The following SAP30 variants were observed in gnomAD, a reference collection of about 807,000 sequenced individuals.
The protein encoded by SAP30 is Sin3A associated protein 30.
Under a neutral mutation model 19.6 loss-of-function variants are expected in SAP30, and 13 were observed. That is an observed-to-expected ratio of 0.66 (90% confidence interval 0.43 to 1.05). SAP30 has a LOEUF of 1.05. Ranked by LOEUF, SAP30 falls within the 50% of genes least tolerant of loss-of-function variation. SAP30 has a pLI of 0.00. For synonymous variants in SAP30, 108 were observed against 122.7 expected (o/e 0.88, Z 0.79); for missense variants, 257 against 292.1 (o/e 0.88, Z 0.88).
intron 1 of SAP30, among the ~76,000 whole-genome samples, 179 bp from the exon 2 acceptor site, chr4:173,373,211 T>A (rs2126904982): frequency 6.6e-6 from 1 of 152,236 alleles, no homozygotes; most frequent in South Asian, 2.1e-4. Flanking sequence ...TTTAACAGTA[T>A]TCCAGACATC....
At position 173,377,232 on chromosome 4, in the gene SAP30, C is replaced by G; in HGVS notation, c.568C>G (p.Pro190Ala). The G allele has an allele frequency of 6.2e-7, 1 of 1,604,124 alleles. No homozygotes were observed. The highest frequency in any genetic ancestry group is 8.5e-7 in the Non-Finnish European group (1 of 1,175,290). ...AGTTGGTTGCCACTTTAGGTCTATT[C>G]CAGTGAATGAAAAAGACACCTTAAC... ...EIVGCHFRSI[P>A]VNEKDTLTYF... The change falls in exon 4 of 4, where the codon CCA becomes GCA. Residue 190 changes from proline to alanine, a missense_variant. Pro to Ala is a conservative substitution (Grantham distance 27). Transcript: ENST00000296504.
At position 173,371,361 on chromosome 4, in the gene SAP30, G is replaced by T. The variant is rs752933421; in HGVS notation, c.179G>T (p.Gly60Val). 1.3e-6 allele frequency: 2 copies of T among 1,518,460 alleles called. No individual in the cohort carries two copies. Among genetic ancestry groups the T allele is most frequent in the South Asian group, 2.4e-5 (2 of 84,112 alleles). The allele number at this position is 1,518,460 out of a possible 1,614,324, so 94.1% of individuals were successfully genotyped here. A position where few individuals can be genotyped will look rare whatever the true frequency, so the allele number is the denominator to read the frequency against. Reference sequence around the variant, plus strand: ...GCGGCTGGGCCCCCGGGGGCGGCCGGGCCGGGCCCCGGGCAACTGTGCTGC... The same window carrying T: ...GCGGCTGGGCCCCCGGGGGCGGCCGTGCCGGGCCCCGGGCAACTGTGCTGC... ...VSAAGPPGAA[G>V]PGPGQLCCLR... is the part of the protein sequence containing the mutation. Residue 60 changes from glycine to valine, a missense_variant, in exon 1 of 4, where the codon GGG (glycine) becomes GTG (valine). Gly to Val is a moderately radical substitution (Grantham distance 109, BLOSUM62 -3). Transcript: ENST00000296504. This position sits in a 1 kb window ranked among gnomAD's most constrained non-coding sequence, Gnocchi z 6.4.
chr4:173,371,448 TCCAGAAGAGCATCTC>T lies in SAP30; in HGVS notation c.275_289del (p.Ser92_Lys96del). 1 of 1,592,352 alleles carries T rather than the reference TCCAGAAGAGCATCTC, an allele frequency of 6.3e-7. No individual in the cohort carries two copies. The highest frequency in any genetic ancestry group is 1.1e-5 in the South Asian group (1 of 91,016). ...GGCAACGCCAGCTTCAGCAAGAGGA[TCCAGAAGAGCATCTC>T]CCAGAAGAAGGTGAAGATCGAGCTG... On this transcript the variant is annotated inframe_deletion, in exon 1 of 4. Coordinates refer to ENST00000296504, the MANE Select transcript of SAP30 (RefSeq NM_003864.4). The surrounding 1 kb of genome is among the most constrained non-coding windows in gnomAD (Gnocchi z 6.4).
intron 3 of SAP30, among the ~76,000 whole-genome samples, chr4:173,376,015 C>G (rs1022475861): frequency 1.3e-5 from 2 of 152,180 alleles, no homozygotes; most frequent in African/African-American, 4.8e-5. Flanking sequence ...AAAACCAACT[C>G]CGCCACCCTC....
At chr4:173,377,016 A>G (rs1208841644) in intron 3 of SAP30, among the ~76,000 whole-genome samples, 189 bp from the exon 4 acceptor site, 2 of 152,192 alleles carry the variant, frequency 1.3e-5, no homozygotes, top group African/African-American at 2.4e-5. Flanking sequence ...AAATCACACT[A>G]TCTCTTGTTC....
At chr4:173,376,081 G>A (rs1269360773) in intron 3 of SAP30, among the ~76,000 whole-genome samples, 1 of 152,106 alleles carries the variant, frequency 6.6e-6, no homozygotes, top group Non-Finnish European at 1.5e-5. Context: ...AAAAGGTTGG[G>A]GACCACTGTT....
intron 2 of SAP30, 104 bp from the exon 3 acceptor site, chr4:173,373,835 G>T: frequency 2.6e-6 from 1 of 383,092 alleles, no homozygotes; most frequent in Non-Finnish European, 4.1e-6. Flanking sequence ...GATTTTGGAA[G>T]TAAATTTTAT....
chr4:173,376,996 G>A (rs1739056055), intron 3 of SAP30, among the ~76,000 whole-genome samples: 1 of 152,026 alleles, frequency 6.6e-6, no homozygotes, highest in Non-Finnish European at 1.5e-5. Context: ...GTGGGTCAAA[G>A]GGTCCTTTGA....
chr4:173,371,489 G>T lies in SAP30; in HGVS notation c.307G>T (p.Asp103Tyr). The change falls in exon 1 of 4, where the codon GAT (aspartate) becomes TAT (tyrosine). Residue 103 changes from aspartate (D) to tyrosine (Y), a missense_variant. Coordinates refer to ENST00000296504, the MANE Select transcript of SAP30 (RefSeq NM_003864.4). The surrounding 1 kb of genome is among the most constrained non-coding windows in gnomAD (Gnocchi z 6.4). ...CCAGAAGAAGGTGAAGATCGAGCTG[G>T]ATAAGAGCGTAAGTAAACCGCGGGA... is the stretch of plus-strand genomic sequence containing the variant. The part of the protein sequence containing the change: ...ISQKKVKIEL[D>Y]KSARHLYICD... The T allele has an allele frequency of 1.3e-6, 2 of 1,586,560 alleles. No individual in the cohort carries two copies. The highest frequency in any genetic ancestry group is 1.1e-5 in the South Asian group (1 of 90,946).
intron 3 of SAP30, among the ~76,000 whole-genome samples, 154 bp from the exon 4 acceptor site, chr4:173,377,047 GCTTT>G (rs1292587166): frequency 2.4e-4 from 36 of 152,246 alleles, no homozygotes; most frequent in Non-Finnish European, 1.5e-5. Flanking sequence ...ATTCTTGAAT[GCTTT>G]CTGTCTTGTT....
Position 173,377,235 on chromosome 4 carries a change from G to T in SAP30, c.571G>T (p.Val191Leu), listed in dbSNP as rs1274771806. The T allele has an allele frequency of 6.2e-7, 1 of 1,605,534 alleles. No individual in the cohort carries two copies. Among genetic ancestry groups the T allele is most frequent in the African/African-American group, 1.3e-5 (1 of 74,442 alleles). The change falls in exon 4 of 4, where the codon GTG (valine) becomes TTG (leucine). Residue 191 changes from valine to leucine, a missense_variant. Transcript: ENST00000296504. The part of the protein sequence containing the change: ...IVGCHFRSIP[V>L]NEKDTLTYFI... ...TGGTTGCCACTTTAGGTCTATTCCA[G>T]TGAATGAAAAAGACACCTTAACATA...
intron 3 of SAP30, 30 bp from the exon 4 acceptor site, chr4:173,377,175 T>A: frequency 6.6e-7 from 1 of 1,520,442 alleles, no homozygotes; most frequent in South Asian, 1.3e-5. Context: ...ATCTAAAATT[T>A]AATTTCCTTA....
rs1158254333 is a variant in SAP30, at chr4:173,374,095, C to T, written c.540+58C>T. 4 of 900,862 alleles carry T rather than the reference C, an allele frequency of 4.4e-6. No individual in the cohort carries two copies. In the East Asian group the frequency reaches 1.1e-4, roughly 24 times the overall value. The allele number at this position is 900,862 out of a possible 1,614,324, so 55.8% of individuals were successfully genotyped here. A position where few individuals can be genotyped will look rare whatever the true frequency, so the allele number is the denominator to read the frequency against. ...TGCACAACCGAGAGGTTATTAAGTG[C>T]TAATGGAAGTTTTAATGTAGTGTAT... On this transcript the variant is annotated intron_variant, in intron 3 of 3. Coordinates refer to ENST00000296504, the MANE Select transcript of SAP30 (RefSeq NM_003864.4).
At position 173,377,416 on chromosome 4, in the gene SAP30, C is replaced by A; in HGVS notation, c.*89C>A. On this transcript the variant is annotated 3_prime_UTR_variant, in exon 4 of 4. Coordinates refer to ENST00000296504, the MANE Select transcript of SAP30 (RefSeq NM_003864.4). ...AAATGTTCTTTGTGTATTTTTTCTA[C>A]AGAGGATTTTCTCTGATTTTATTTT... 7.6e-7 allele frequency: 1 copy of A among 1,308,818 alleles called. No individual in the cohort carries two copies. The highest frequency in any genetic ancestry group is 1.0e-6 in the Non-Finnish European group (1 of 955,834). 81.1% of individuals were successfully genotyped at this position (1,308,818 alleles called of 1,614,324 possible). A position where few individuals can be genotyped will look rare whatever the true frequency, so the allele number is the denominator to read the frequency against.
rs777007467 is a variant in SAP30, at chr4:173,377,323, A to G, written c.659A>G (p.His220Arg). The change falls in exon 4 of 4, where the codon CAC (histidine) becomes CGC (arginine). Residue 220 changes from histidine to arginine, a missense_variant. Physicochemically the swap from His to Arg is conservative, Grantham distance 29. Coordinates refer to ENST00000296504, the MANE Select transcript of SAP30 (RefSeq NM_003864.4). ...KSDLKVDSGV[H>R] is the part of the protein sequence containing the mutation. ...GATCTCAAGGTTGATAGTGGTGTTCACTAGGAGACGTGGAATTGAGACTAA... is the reference window on the plus strand; with the variant it reads ...GATCTCAAGGTTGATAGTGGTGTTCGCTAGGAGACGTGGAATTGAGACTAA... The G allele has an allele frequency of 6.2e-7, 1 of 1,600,672 alleles. No individual in the cohort carries two copies. Among genetic ancestry groups the G allele is most frequent in the Non-Finnish European group, 8.5e-7 (1 of 1,175,648 alleles).
In SAP30 at chr4:173,371,935, G is replaced by C. The variant is rs1014339409; in HGVS notation, c.315+438G>C. Among the ~76,000 whole-genome samples, 4 of 152,238 alleles carry C rather than the reference G, an allele frequency of 2.6e-5. No homozygotes were observed. The highest frequency in any genetic ancestry group is 1.3e-4 in the Admixed American group (2 of 15,284). On this transcript the variant is annotated intron_variant, in intron 1 of 3. Transcript: ENST00000296504. The surrounding 1 kb of genome is among the most constrained non-coding windows in gnomAD (Gnocchi z 6.4). ...GGCGGTACTAAATCCCGTCGTCTAG[G>C]AGAAAGCGGAGGACCTTCACGAACA...
In SAP30 at chr4:173,371,425, C is replaced by T; in HGVS notation, c.243C>T (p.Gly81=). ...GTGAGCGGTGCGGCCGGGCGGCAGG[C>T]AACGCCAGCTTCAGCAAGAGGATCC... ...EDGERCGRAA[G]NASFSKRIQK... is the part of the protein sequence containing the mutation. Residue 81 remains glycine (G), a synonymous_variant, in exon 1 of 4, where the codon GGC becomes GGT. Coordinates refer to ENST00000296504, the MANE Select transcript of SAP30 (RefSeq NM_003864.4). This position sits in a 1 kb window ranked among gnomAD's most constrained non-coding sequence, Gnocchi z 6.4. 1 of 1,592,144 alleles carries T rather than the reference C, an allele frequency of 6.3e-7. No homozygotes were observed. The highest frequency in any genetic ancestry group is 8.5e-7 in the Non-Finnish European group (1 of 1,176,420).
chr4:173,377,355 G>A lies in SAP30; in HGVS notation c.*28G>A, dbSNP rs766266280. The A allele has an allele frequency of 1.3e-5, 20 of 1,588,068 alleles. No individual in the cohort carries two copies. Among genetic ancestry groups the A allele is most frequent in the Non-Finnish European group, 1.5e-5 (17 of 1,169,786 alleles). On this transcript the variant is annotated 3_prime_UTR_variant, in exon 4 of 4. Transcript: ENST00000296504. ...GACGTGGAATTGAGACTAATAACTT[G>A]GATGTTAACACTGTTTACTGTTTTT...
rs117589724 is a variant in SAP30, at chr4:173,375,664, A to C, written c.541-1541A>C. ...CTATTTTCTTTTTTATACATAAGAG[A>C]TAGCCATGAGTGTTATATTTTACTT... On this transcript the variant is annotated intron_variant, in intron 3 of 3. Transcript: ENST00000296504. 2.2e-3 allele frequency among the ~76,000 whole-genome samples: 330 copies of C among 152,312 alleles called. 10 individuals carry two copies. In the East Asian group the frequency reaches 0.05, roughly 23 times the overall value.
Sources: allele counts gnomAD v4.1 joint callset (sites outside exome capture counted in the v4.1 genomes callset), GRCh38; gene constraint gnomAD v4.1.1; non-coding constraint Gnocchi (gnomAD v3.1); transcripts MANE v1.5; gene names NCBI Gene and HGNC (gene_info 2026-07-23, HGNC 2026-07-21).